WDR33: variants seen among roughly 807,000 people sequenced by gnomAD.
WDR33 encodes the protein WD repeat domain 33.
Under a neutral mutation model 164.9 loss-of-function variants are expected in WDR33, and 47 were observed. The observed-to-expected ratio is 0.29, with a 90% CI of 0.23 to 0.36. The LOEUF is 0.36. Among genes scored for constraint, WDR33 ranks in the 10% least tolerant of loss-of-function variants. The pLI, the probability that WDR33 is intolerant of heterozygous loss-of-function variation, is 1.00. For synonymous variants in WDR33, 505 were observed against 589.0 expected (o/e 0.86, Z 2.06); for missense variants, 1,137 against 1,754.1 (o/e 0.65, Z 6.28).
At chr2:127,766,513 A>G (rs1394476977) in intron 4 of WDR33, among the ~76,000 whole-genome samples, 4 of 152,150 alleles carry the variant, frequency 2.6e-5, no homozygotes, top group Admixed American at 1.3e-4. Context: ...CAGTCTTTAT[A>G]CCTTAATACC....
chr2:127,725,019 C>T (rs966441407), intron 9 of WDR33, 42 bp downstream of exon 9: 5 of 1,614,194 alleles, frequency 3.1e-6, no homozygotes, highest in Middle Eastern at 1.6e-4. Flanking sequence ...GAGAATGTTA[C>T]AGGTAACAGT....
In WDR33 at chr2:127,741,332, A is replaced by G. The variant is rs1394075971; in HGVS notation, c.725-14555T>C. 6.6e-6 allele frequency among the ~76,000 whole-genome samples: 1 copy of G among 152,184 alleles called. No homozygotes were observed. The highest frequency in any genetic ancestry group is 1.5e-5 in the Non-Finnish European group (1 of 68,028). ...ATGGGAGAGGAGGAGAAAAAGAGAA[A>G]AGAGAAGGGAGGGAGGAGAGAAAGA... On this transcript the variant is annotated intron_variant, in intron 7 of 21. Transcript: ENST00000322313. This position sits in a 1 kb window ranked among gnomAD's most constrained non-coding sequence, Gnocchi z 4.1.
chr2:127,753,624 G>A (rs2105419980), intron 7 of WDR33, among the ~76,000 whole-genome samples: 1 of 152,164 alleles, frequency 6.6e-6, no homozygotes, highest in East Asian at 1.9e-4. Context: ...GTAATCATAT[G>A]CAATAGTGTC....
intron 1 of WDR33, among the ~76,000 whole-genome samples, chr2:127,799,860 C>A (rs1362141847): frequency 1.3e-5 from 2 of 152,200 alleles, no homozygotes; most frequent in Admixed American, 6.5e-5. Flanking sequence ...CACCTGCACT[C>A]CTGCCTGGGC....
At chr2:127,789,984 T>C (rs1688788622) in intron 1 of WDR33, among the ~76,000 whole-genome samples, 1 of 152,102 alleles carries the variant, frequency 6.6e-6, no homozygotes, top group African/African-American at 2.4e-5. Context: ...TACAGGTGCA[T>C]GCCACCACGC....
At chr2:127,757,652 G>GT (rs1188249460) in intron 7 of WDR33, among the ~76,000 whole-genome samples, 1 of 152,114 alleles carries the variant, frequency 6.6e-6, no homozygotes, top group African/African-American at 2.4e-5. Flanking sequence ...AGGAAGCTGG[G>GT]TTTTTTGTCT....
chr2:127,724,958 G>A lies in WDR33; in HGVS notation c.1014C>T (p.Ala338=). The change falls in exon 10 of 22, where the codon GCC becomes GCT. Residue 338 remains alanine, a synonymous_variant. Transcript: ENST00000322313. This position sits in a 1 kb window ranked among gnomAD's most constrained non-coding sequence, Gnocchi z 4.8. ...RGHKKEATAV[A]WHPVHEGLFA... is the part of the protein sequence containing the mutation. Reference sequence around the variant, plus strand: ...AAAGTCCTTCATGAACAGGATGCCAGGCCACAGCTGCAGAACAAAAACATG... The same window carrying A: ...AAAGTCCTTCATGAACAGGATGCCAAGCCACAGCTGCAGAACAAAAACATG... 1 of 1,614,176 alleles carries A rather than the reference G, an allele frequency of 6.2e-7. No individual in the cohort carries two copies. The highest frequency in any genetic ancestry group is 1.1e-5 in the South Asian group (1 of 91,088).
At chr2:127,707,519 G>A (rs1045405401) in intron 21 of WDR33, among the ~76,000 whole-genome samples, 4 of 152,222 alleles carry the variant, frequency 2.6e-5, no homozygotes, top group Non-Finnish European at 5.9e-5. Flanking sequence ...TCATTCCCAT[G>A]CTAACTGCAT....
chr2:127,777,408 C>T (rs545325266), intron 1 of WDR33, among the ~76,000 whole-genome samples: 4 of 152,336 alleles, frequency 2.6e-5, no homozygotes, highest in South Asian at 2.1e-4. Flanking sequence ...AAGTTTGCAT[C>T]GCATCCTTAG....
At chr2:127,798,560 T>A (rs987538529) in intron 1 of WDR33, among the ~76,000 whole-genome samples, 1 of 151,858 alleles carries the variant, frequency 6.6e-6, no homozygotes. Flanking sequence ...GTTCTCAGGT[T>A]CTAGTTCTAC....
intron 1 of WDR33, among the ~76,000 whole-genome samples, chr2:127,793,912 A>G (rs1196711789): frequency 6.6e-6 from 1 of 151,942 alleles, no homozygotes; most frequent in African/African-American, 2.4e-5. Flanking sequence ...AGGCAGGAGG[A>G]AAGATTGAGC....
intron 1 of WDR33, among the ~76,000 whole-genome samples, chr2:127,772,958 A>C (rs1210936380): frequency 9.6e-6 from 1 of 103,758 alleles, no homozygotes; most frequent in African/African-American, 4.1e-5. Flanking sequence ...CTCCATCTCT[A>C]CAAAAAAAAA....
At chr2:127,755,485 T>A (rs1007171421) in intron 7 of WDR33, among the ~76,000 whole-genome samples, 1 of 152,202 alleles carries the variant, frequency 6.6e-6, no homozygotes, top group African/African-American at 2.4e-5. Context: ...GGCTACAATG[T>A]CCTTGACCAC....
In WDR33 at chr2:127,770,822, G is replaced by A. The variant is rs371908570; in HGVS notation, c.160C>T (p.Arg54Ter). ...DGKRMRKAVN[R>*]KTIDYNPSVI... is the part of the protein sequence containing the mutation. ...GATGGATTGTAGTCTATGGTTTTTC[G>A]GTTCACAGCTTTTCTCATTCGTTTT... Residue 54 changes from arginine to a stop codon, truncating the protein, a stop_gained, in exon 2 of 22, where the codon CGA (arginine) becomes TGA (stop). Coordinates refer to ENST00000322313, the MANE Select transcript of WDR33 (RefSeq NM_018383.5). LOFTEE classifies it high-confidence loss of function. This position sits in a 1 kb window ranked among gnomAD's most constrained non-coding sequence, Gnocchi z 4.9. 1 of 1,613,694 alleles carries A rather than the reference G, an allele frequency of 6.2e-7. No homozygotes were observed. Among genetic ancestry groups the A allele is most frequent in the Non-Finnish European group, 8.5e-7 (1 of 1,179,892 alleles).
chr2:127,746,830 A>G (rs1254678371), intron 7 of WDR33, among the ~76,000 whole-genome samples: 1 of 152,240 alleles, frequency 6.6e-6, no homozygotes, highest in Admixed American at 6.5e-5. Context: ...TTCTTCTATC[A>G]TTACATTTTA....
At chr2:127,762,709 A>G in intron 7 of WDR33, 1 of 1,031,312 alleles carries the variant, frequency 9.7e-7, no homozygotes, top group Non-Finnish European at 1.2e-6. Context: ...TGCCAGGAGA[A>G]TGACGGCTAT....
intron 7 of WDR33, among the ~76,000 whole-genome samples, chr2:127,734,342 G>A (rs978585274): frequency 2.0e-5 from 3 of 152,140 alleles, no homozygotes; most frequent in Non-Finnish European, 4.4e-5. Context: ...CCAGCTAAAC[G>A]TTCCTTCAGA....
At chr2:127,775,315 A>C (rs1277777798) in intron 1 of WDR33, among the ~76,000 whole-genome samples, 4 of 152,090 alleles carry the variant, frequency 2.6e-5, no homozygotes, top group Non-Finnish European at 4.4e-5. Flanking sequence ...CTGCCTCCCA[A>C]GTAGCTGGGA....
chr2:127,794,833 CAAAAAAAAAAAA>C (rs990234716), intron 1 of WDR33, among the ~76,000 whole-genome samples: 1 of 79,264 alleles, frequency 1.3e-5, no homozygotes, highest in African/African-American at 3.9e-5. Flanking sequence ...GACTCCGTTT[CAAAAAAAAAAAA>C]AAAAAAAGAA....
Sources: allele counts gnomAD v4.1 joint callset (sites outside exome capture counted in the v4.1 genomes callset), GRCh38; gene constraint gnomAD v4.1.1; non-coding constraint Gnocchi (gnomAD v3.1); transcripts MANE v1.5; gene names NCBI Gene and HGNC (gene_info 2026-07-23, HGNC 2026-07-21).